The following KNL1 variants were observed in gnomAD, a reference collection of about 807,000 sequenced individuals.
KNL1 encodes the protein kinetochore scaffold 1.
Under a neutral mutation model 201.3 loss-of-function variants are expected in KNL1, and 66 were observed. The observed-to-expected ratio is 0.33, with a 90% CI of 0.27 to 0.40. The LOEUF (loss-of-function observed/expected upper bound fraction) is 0.40, where lower values mean the gene tolerates loss of function less well. Among genes scored for constraint, KNL1 ranks in the 10% least tolerant of loss-of-function variants. KNL1 has a pLI of 1.00. For synonymous variants in KNL1, 895 were observed against 899.2 expected, an observed-to-expected ratio of 1.00 and a Z score of 0.08; for missense variants, 2,815 against 2,690.5, an observed-to-expected ratio of 1.05 and a Z score of -1.02.
Position 40,657,423 on chromosome 15 carries a change from G to C in KNL1, c.6663G>C (p.Lys2221Asn). The change falls in exon 24 of 26, where the codon AAG (lysine) becomes AAC (asparagine). Residue 2221 changes from lysine (K) to asparagine (N), a missense_variant. Physicochemically the swap from Lys to Asn is moderately conservative, Grantham distance 94. Coordinates refer to ENST00000399668, the MANE Select transcript of KNL1 (RefSeq NM_144508.5). ...TTGGAGAGGAGATTGAGTATTTAAAGAGATGGGGACCAAATTATAACCTAA... is the reference window on the plus strand; with the variant it reads ...TTGGAGAGGAGATTGAGTATTTAAACAGATGGGGACCAAATTATAACCTAA... ...RLLGEEIEYL[K>N]RWGPNYNLMN... The C allele has an allele frequency of 6.2e-7, 1 of 1,603,492 alleles. No individual in the cohort carries two copies. Among genetic ancestry groups the C allele is most frequent in the Non-Finnish European group, 8.5e-7 (1 of 1,170,364 alleles).
chr15:40,636,903 C>A lies in KNL1; in HGVS notation c.5683-4009C>A, dbSNP rs1487808534. Among the ~76,000 whole-genome samples the A allele has an allele frequency of 2.6e-5, 4 of 152,200 alleles. No homozygotes were observed. In the East Asian group the frequency reaches 7.7e-4, roughly 29 times the overall value. On this transcript the variant is annotated intron_variant, in intron 13 of 25. Coordinates refer to ENST00000399668, the MANE Select transcript of KNL1 (RefSeq NM_144508.5). The stretch of plus-strand genomic sequence containing the variant: ...CCCCCGCATTATTGTGAAGCAAATT[C>A]CAAGCATCATCAATCTATAAGTATT...
chr15:40,655,776 C>T lies in KNL1; in HGVS notation c.6484+799C>T, dbSNP rs557792937. On this transcript the variant is annotated intron_variant, in intron 22 of 25. Transcript: ENST00000399668. Reference sequence around the variant, plus strand: ...AAAAAATACAAAAAAATTAGCCGGGCGTGGTGGCTGGCGCCTGTAGTCCCA... The same window carrying T: ...AAAAAATACAAAAAAATTAGCCGGGTGTGGTGGCTGGCGCCTGTAGTCCCA... Among the ~76,000 whole-genome samples, 9 of 151,454 alleles carry T rather than the reference C, an allele frequency of 5.9e-5. No individual in the cohort carries two copies. The East Asian group carries it at 9.8e-4, about 17-fold the overall frequency.
At chr15:40,604,679 TA>T (rs1249244551) in intron 2 of KNL1, among the ~76,000 whole-genome samples, 1 of 152,218 alleles carries the variant, frequency 6.6e-6, no homozygotes, top group Non-Finnish European at 1.5e-5. Flanking sequence ...GACTGACCTT[TA>T]GGTGAGAGAG....
chr15:40,624,050 C>T lies in KNL1; in HGVS notation c.3786C>T (p.Asp1262=). The T allele has an allele frequency of 3.7e-6, 6 of 1,613,892 alleles. No homozygotes were observed. In the African/African-American group the frequency reaches 8.0e-5, roughly 22 times the overall value. Residue 1262 remains aspartate (D), a synonymous_variant, in exon 10 of 26, where the codon GAC becomes GAT. Coordinates refer to ENST00000399668, the MANE Select transcript of KNL1 (RefSeq NM_144508.5). ...MDEKVIGKVV[D]QACTLEKAQV... Reference sequence around the variant, plus strand: ...AAAAGGTCATAGGGAAAGTTGTAGACCAGGCCTGTACATTGGAAAAAGCGC... The same window carrying T: ...AAAAGGTCATAGGGAAAGTTGTAGATCAGGCCTGTACATTGGAAAAAGCGC...
At chr15:40,661,982 A>C (rs1399164265) in intron 25 of KNL1, 92 bp from the exon 26 acceptor site, 6 of 681,484 alleles carry the variant, frequency 8.8e-6, no homozygotes, top group South Asian at 1.6e-5. Flanking sequence ...TGGAGCTTGC[A>C]GTGAGCGGAT....
intron 7 of KNL1, among the ~76,000 whole-genome samples, chr15:40,612,392 C>T (rs1221160973): frequency 6.8e-6 from 1 of 148,096 alleles, no homozygotes; most frequent in African/African-American, 2.5e-5. Context: ...CTCAGGAGGC[C>T]AAGGCACGAG....
intron 11 of KNL1, among the ~76,000 whole-genome samples, 155 bp from the exon 12 acceptor site, chr15:40,628,456 T>A (rs1399424076): frequency 1.3e-5 from 2 of 152,226 alleles, no homozygotes; most frequent in Non-Finnish European, 2.9e-5. Context: ...ACTGGAGCCT[T>A]AAAACTATAA....
chr15:40,661,994 G>A, intron 25 of KNL1, 80 bp from the exon 26 acceptor site: 1 of 745,540 alleles, frequency 1.3e-6, no homozygotes, highest in African/African-American at 1.7e-5. Context: ...TGAGCGGATT[G>A]CGCCACTGCA....
At chr15:40,643,802 A>T (rs1210995140) in intron 14 of KNL1, among the ~76,000 whole-genome samples, 1 of 152,214 alleles carries the variant, frequency 6.6e-6, no homozygotes, top group African/African-American at 2.4e-5. Flanking sequence ...GATGTATGAC[A>T]TTCTTGAACT....
chr15:40,597,065 A>C (rs1048262869), intron 1 of KNL1, among the ~76,000 whole-genome samples: 2 of 151,694 alleles, frequency 1.3e-5, no homozygotes, highest in African/African-American at 2.4e-5. Context: ...GTTTATCTTT[A>C]CAGTGATGTT....
intron 6 of KNL1, chr15:40,610,921 T>C (rs1191849491): frequency 2.3e-6 from 1 of 439,620 alleles, no homozygotes; most frequent in South Asian, 1.6e-5. Flanking sequence ...AGCTAATTTT[T>C]GTATTTTTAG....
At position 40,605,284 on chromosome 15, in the gene KNL1, A is replaced by G. The variant is rs115538870; in HGVS notation, c.75+135A>G. On this transcript the variant is annotated intron_variant, in intron 3 of 25. Coordinates refer to ENST00000399668, the MANE Select transcript of KNL1 (RefSeq NM_144508.5). Reference sequence around the variant, plus strand: ...TTGCTCTCTAGATAAAGACTCAAATATTTAACGTGGTTATACAATTCTGTA... The same window carrying G: ...TTGCTCTCTAGATAAAGACTCAAATGTTTAACGTGGTTATACAATTCTGTA... The G allele has an allele frequency of 9.9e-4, 573 of 578,808 alleles. 3 individuals carry two copies. The highest frequency in any genetic ancestry group is 9.6e-3 in the African/African-American group (526 of 54,576). The allele number at this position is 578,808 out of a possible 1,614,324, so 35.9% of individuals were successfully genotyped here.
chr15:40,598,905 G>A (rs985190867), intron 1 of KNL1, among the ~76,000 whole-genome samples: 4 of 151,906 alleles, frequency 2.6e-5, no homozygotes, highest in African/African-American at 9.7e-5. Context: ...CCAGGCTCAA[G>A]CTATCCTCCT....
In KNL1 at chr15:40,663,522, A is replaced by G. The variant is rs1019630393; in HGVS notation, c.*1334A>G. 5.3e-5 allele frequency: 10 copies of G among 189,510 alleles called. No individual in the cohort carries two copies. Among genetic ancestry groups the G allele is most frequent in the Non-Finnish European group, 8.9e-5 (8 of 90,226 alleles). 11.7% of individuals were successfully genotyped at this position (189,510 alleles called of 1,614,324 possible). A position where few individuals can be genotyped will look rare whatever the true frequency, so the allele number is the denominator to read the frequency against. On this transcript the variant is annotated 3_prime_UTR_variant, in exon 26 of 26. Coordinates refer to ENST00000399668, the MANE Select transcript of KNL1 (RefSeq NM_144508.5). Reference sequence around the variant, plus strand: ...TACTCATCTGTCTAGGCAGTTCCCAATTTTCTGAAGAATGTTTTACAGCAA... The same window carrying G: ...TACTCATCTGTCTAGGCAGTTCCCAGTTTTCTGAAGAATGTTTTACAGCAA...
intron 21 of KNL1, among the ~76,000 whole-genome samples, chr15:40,652,567 C>T (rs927420772): frequency 5.4e-5 from 8 of 149,452 alleles, no homozygotes; most frequent in Non-Finnish European, 1.0e-4. Flanking sequence ...GTCAGGAGTT[C>T]GAAACCGGCC....
chr15:40,610,370 C>T lies in KNL1; in HGVS notation c.250+73C>T, dbSNP rs1462794071. On this transcript the variant is annotated intron_variant, in intron 6 of 25. Coordinates refer to ENST00000399668, the MANE Select transcript of KNL1 (RefSeq NM_144508.5). ...TTACTGTAGCTATCTAACCAGACAA[C>T]TAATATAACTTATTGTCTATCTTAT... 1.5e-5 allele frequency: 12 copies of T among 776,362 alleles called. No individual in the cohort carries two copies. In the East Asian group the frequency reaches 2.7e-4, roughly 17 times the overall value. 48.1% of individuals were successfully genotyped at this position (776,362 alleles called of 1,614,324 possible). A position where few individuals can be genotyped will look rare whatever the true frequency, so the allele number is the denominator to read the frequency against.
At chr15:40,653,892 T>A (rs1893645152) in intron 21 of KNL1, among the ~76,000 whole-genome samples, 1 of 152,210 alleles carries the variant, frequency 6.6e-6, no homozygotes, top group South Asian at 2.1e-4. Flanking sequence ...ACTTCACTAA[T>A]GAACTCCTAC....
At chr15:40,598,682 A>G (rs1245211436) in intron 1 of KNL1, among the ~76,000 whole-genome samples, 1 of 152,232 alleles carries the variant, frequency 6.6e-6, no homozygotes, top group African/African-American at 2.4e-5. Context: ...AATGGCTGTC[A>G]TACTTTTTGG....
At chr15:40,597,246 CT>C (rs1891647838) in intron 1 of KNL1, among the ~76,000 whole-genome samples, 1 of 151,904 alleles carries the variant, frequency 6.6e-6, no homozygotes, top group Non-Finnish European at 1.5e-5. Flanking sequence ...GAATCAGTAA[CT>C]TTTTTGTTTT....
Sources: gnomAD v4.1 joint callset for allele counts (sites outside exome capture counted in the v4.1 genomes callset) on GRCh38, gnomAD v4.1.1 for gene constraint, MANE v1.5 for transcripts, NCBI Gene and HGNC (gene_info 2026-07-23, HGNC 2026-07-21) for gene names.